CC2D2B: variants seen among roughly 807,000 people sequenced by gnomAD.
The protein encoded by CC2D2B is coiled-coil and C2 domain containing 2B.
In CC2D2B, 128 loss-of-function variants were observed where a neutral mutation model predicts 161.2. The observed-to-expected ratio is 0.79, with a 90% CI of 0.69 to 0.92. The LOEUF (loss-of-function observed/expected upper bound fraction) is 0.92, where lower values mean the gene tolerates loss of function less well. Ranked by LOEUF, CC2D2B falls within the 40% of genes least tolerant of loss-of-function variation. CC2D2B has a pLI of 0.00. For synonymous variants in CC2D2B, 391 were observed against 449.8 expected (o/e 0.87, Z 1.65); for missense variants, 1,173 against 1,375.1 (o/e 0.85, Z 2.32).
At chr10:96,009,798 G>A in intron 25 of CC2D2B, 27 bp from the exon 26 acceptor site, 1 of 1,069,314 alleles carries the variant, frequency 9.4e-7, no homozygotes, top group Non-Finnish European at 1.4e-6. Context: ...TATTAAGTAA[G>A]TAATAAAAAA....
chr10:95,916,536 T>C (rs1001022326), intron 2 of CC2D2B, among the ~76,000 whole-genome samples: 1 of 152,150 alleles, frequency 6.6e-6, no homozygotes, highest in African/African-American at 2.4e-5. Context: ...TAGACACTTA[T>C]TGCTGTAAAC....
intron 32 of CC2D2B, among the ~76,000 whole-genome samples, chr10:96,023,837 TTC>T (rs1449169630): frequency 5.9e-5 from 9 of 152,330 alleles, no homozygotes; most frequent in Admixed American, 5.2e-4. Context: ...GAGTTCCTGA[TTC>T]AGTAGTTCTC....
chr10:96,014,104 C>T (rs1005671103), intron 29 of CC2D2B, among the ~76,000 whole-genome samples: 6 of 152,118 alleles, frequency 3.9e-5, no homozygotes, highest in African/African-American at 7.2e-5. Flanking sequence ...TTTGACTCAA[C>T]GGGAATTCCA....
Position 96,004,217 on chromosome 10 carries a change from T to C in CC2D2B, c.2915T>C (p.Ile972Thr), listed in dbSNP as rs531257628. The C allele has an allele frequency of 1.0e-4, 160 of 1,529,320 alleles. No individual in the cohort carries two copies. Among genetic ancestry groups the C allele is most frequent in the Middle Eastern group, 5.1e-4 (3 of 5,876 alleles). The allele number at this position is 1,529,320 out of a possible 1,614,324, so 94.7% of individuals were successfully genotyped here. The change falls in exon 25 of 35, where the codon ATT (isoleucine) becomes ACT (threonine). Residue 972 changes from isoleucine (I) to threonine (T), a missense_variant. Ile to Thr is a moderately conservative substitution (Grantham distance 89). This residue lies in a region of CC2D2B where 598 missense variants were observed against 693.2 expected (regional missense o/e 0.86). Coordinates refer to ENST00000646931, the MANE Select transcript of CC2D2B (RefSeq NM_001349008.3). Reference sequence around the variant, plus strand: ...ATAAAAGATAACATATATATCAACATTTTTGATGAAATGATGACTGAAAAA... The same window carrying C: ...ATAAAAGATAACATATATATCAACACTTTTGATGAAATGATGACTGAAAAA... ...SKIKDNIYIN[I>T]FDEMMTEKHE...
Position 95,922,012 on chromosome 10 carries a change from G to A in CC2D2B, c.37-4G>A. Reference sequence around the variant, plus strand: ...AAGTTTAACCCTCCCTGCTTTTTTTGCAGATGTCAGAAGAGATGGATAATA... The same window carrying A: ...AAGTTTAACCCTCCCTGCTTTTTTTACAGATGTCAGAAGAGATGGATAATA... On this transcript the variant is annotated splice_region_variant and splice_polypyrimidine_tract_variant and intron_variant, in intron 2 of 34. Transcript: ENST00000646931. The A allele has an allele frequency of 1.3e-6, 2 of 1,513,738 alleles. No homozygotes were observed. The highest frequency in any genetic ancestry group is 2.5e-5 in the East Asian group (1 of 40,408). The allele number at this position is 1,513,738 out of a possible 1,614,324, so 93.8% of individuals were successfully genotyped here. A position where few individuals can be genotyped will look rare whatever the true frequency, so the allele number is the denominator to read the frequency against.
chr10:96,008,273 C>T (rs1047855070), intron 25 of CC2D2B, among the ~76,000 whole-genome samples: 6 of 150,028 alleles, frequency 4.0e-5, no homozygotes, highest in Non-Finnish European at 8.9e-5. Context: ...TATTATATAG[C>T]AGTATTCCAT....
intron 9 of CC2D2B, among the ~76,000 whole-genome samples, chr10:95,942,601 G>A (rs552653159): frequency 2.0e-5 from 3 of 152,008 alleles, no homozygotes; most frequent in Admixed American, 6.6e-5. Flanking sequence ...TCTAGTATAG[G>A]CTTAATTTCT....
chr10:95,989,479 C>T (rs1341583366), intron 20 of CC2D2B, among the ~76,000 whole-genome samples: 1 of 152,164 alleles, frequency 6.6e-6, no homozygotes, highest in Non-Finnish European at 1.5e-5. Context: ...TACTTCTTTA[C>T]TAGCTTGCTG....
At chr10:95,942,595 G>C (rs1564604320) in intron 9 of CC2D2B, among the ~76,000 whole-genome samples, 1 of 151,956 alleles carries the variant, frequency 6.6e-6, no homozygotes, top group Non-Finnish European at 1.5e-5. Flanking sequence ...GTTCTTTCTA[G>C]TATAGGCTTA....
chr10:95,980,487 G>A (rs1038444767), intron 17 of CC2D2B, among the ~76,000 whole-genome samples: 1 of 152,094 alleles, frequency 6.6e-6, no homozygotes, highest in African/African-American at 2.4e-5. Context: ...TAAGATTTAA[G>A]CTTTACCTGA....
intron 29 of CC2D2B, among the ~76,000 whole-genome samples, chr10:96,014,879 A>C (rs542414226): frequency 6.6e-6 from 1 of 152,148 alleles, no homozygotes; most frequent in Admixed American, 6.5e-5. Context: ...CCTAACCCCC[A>C]TCCTTCACCA....
At chr10:96,019,175 A>C (rs751732863) in intron 30 of CC2D2B, 28 bp from the exon 31 acceptor site, 2 of 1,540,700 alleles carry the variant, frequency 1.3e-6, no homozygotes, top group African/African-American at 2.8e-5. Context: ...TAAATCCACC[A>C]AAAATTACTT....
At chr10:95,965,494 A>T (rs1304393674) in intron 12 of CC2D2B, among the ~76,000 whole-genome samples, 1 of 152,052 alleles carries the variant, frequency 6.6e-6, no homozygotes, top group Non-Finnish European at 1.5e-5. Context: ...CACCATGATC[A>T]CCTGCCCTTA....
At chr10:96,018,172 T>C (rs2079287428) in intron 30 of CC2D2B, among the ~76,000 whole-genome samples, 1 of 152,236 alleles carries the variant, frequency 6.6e-6, no homozygotes, top group African/African-American at 2.4e-5. Flanking sequence ...TAATATCTGA[T>C]GCACATAAAT....
At chr10:96,012,754 C>A (rs773236724) in intron 28 of CC2D2B, 25 bp downstream of exon 28, 11 of 1,389,652 alleles carry the variant, frequency 7.9e-6, no homozygotes, top group Non-Finnish European at 7.2e-6. Context: ...TTTTTAACAT[C>A]TTCATTGTGA....
chr10:95,993,299 C>T (rs1421803977), intron 22 of CC2D2B, among the ~76,000 whole-genome samples: 5 of 152,012 alleles, frequency 3.3e-5, no homozygotes, highest in African/African-American at 1.2e-4. Flanking sequence ...TATTAAGTGC[C>T]CACGTGTATT....
At chr10:95,937,077 G>A (rs991908324) in intron 6 of CC2D2B, among the ~76,000 whole-genome samples, 2 of 152,156 alleles carry the variant, frequency 1.3e-5, no homozygotes, top group African/African-American at 4.8e-5. Context: ...TCATGGCAGG[G>A]ATATAGGAGG....
chr10:95,944,901 C>T (rs982459246), intron 9 of CC2D2B, among the ~76,000 whole-genome samples: 1 of 152,146 alleles, frequency 6.6e-6, no homozygotes, highest in Non-Finnish European at 1.5e-5. Context: ...GAATGTGTCT[C>T]CTCTAAAATT....
At position 96,027,375 on chromosome 10, in the gene CC2D2B, C is replaced by T. The variant is rs2079829206; in HGVS notation, c.4111C>T (p.Leu1371=). The part of the protein sequence containing the change: ...SEGDNEFERI[L]QFYWVTGFPI... Reference sequence around the variant, plus strand: ...AGGAGATAATGAATTTGAAAGAATACTACAATTTTATTGGGTTTGTATATG... The same window carrying T: ...AGGAGATAATGAATTTGAAAGAATATTACAATTTTATTGGGTTTGTATATG... Residue 1371 remains leucine (L), a synonymous_variant, in exon 34 of 35, where the codon CTA becomes TTA. Transcript: ENST00000646931. 6.5e-7 allele frequency: 1 copy of T among 1,545,302 alleles called. No homozygotes were observed. The highest frequency in any genetic ancestry group is 1.2e-5 in the South Asian group (1 of 82,828).
Sources: gnomAD v4.1 joint callset for allele counts (sites outside exome capture counted in the v4.1 genomes callset) on GRCh38, gnomAD v4.1.1 for gene constraint, gnomAD v4.1.1 regional missense constraint, MANE v1.5 for transcripts, NCBI Gene and HGNC (gene_info 2026-07-23, HGNC 2026-07-21) for gene names.